Variants in CTNNA3 observed in about 807,000 individuals in gnomAD.
CTNNA3 encodes the protein catenin alpha-3.
CTNNA3 carries 76 observed loss-of-function variants against 95.7 expected under a neutral mutation model. That is an observed-to-expected ratio of 0.79 (90% confidence interval 0.66 to 0.96). The LOEUF (loss-of-function observed/expected upper bound fraction) is 0.96. CTNNA3 is among the 40% of genes least tolerant of loss of function. The pLI, the probability that CTNNA3 is intolerant of heterozygous loss-of-function variation, is 0.00. For synonymous variants in CTNNA3, 431 were observed against 374.4 expected (o/e 1.15, Z -1.74); for missense variants, 1,191 against 1,089.8 (o/e 1.09, Z -1.31).
rs1239794704 is a variant in CTNNA3 at position 67,566,041 on chromosome 10, GTGTATATATA to G, written c.293-26382_293-26373del. Among the ~76,000 whole-genome samples, 12 of 29,436 alleles carry G rather than the reference GTGTATATATA, an allele frequency of 4.1e-4. 2 individuals carry two copies. The highest frequency in any genetic ancestry group is 5.0e-3 in the East Asian group (2 of 404). The allele number at this position is 29,436 out of a possible 152,430, so 19.3% of individuals were successfully genotyped here. A position where few individuals can be genotyped will look rare whatever the true frequency, so the allele number is the denominator to read the frequency against. On this transcript the variant is annotated intron_variant, in intron 3 of 17. Coordinates refer to ENST00000433211, the MANE Select transcript of CTNNA3 (RefSeq NM_013266.4). ...AACACACACACACACATATGTGTGT[GTGTATATATA>G]TATATATATATATATATATATACAA...
At chr10:67,709,412 G>C (rs1841094866) in intron 1 of CTNNA3, among the ~76,000 whole-genome samples, 1 of 152,092 alleles carries the variant, frequency 6.6e-6, no homozygotes, top group Non-Finnish European at 1.5e-5. Context: ...ATGGGATGTG[G>C]GGACAATTCA....
At chr10:66,240,030 C>T (rs1331781137) in intron 13 of CTNNA3, among the ~76,000 whole-genome samples, 1 of 151,840 alleles carries the variant, frequency 6.6e-6, no homozygotes, top group Non-Finnish European at 1.5e-5. Flanking sequence ...TAATCTATAT[C>T]TATAGTTATA....
chr10:67,556,230 C>T (rs1841246059), intron 3 of CTNNA3, among the ~76,000 whole-genome samples: 1 of 152,144 alleles, frequency 6.6e-6, no homozygotes, highest in Non-Finnish European at 1.5e-5. Context: ...TTTGTTGTGT[C>T]TCTGCCAGGC....
chr10:67,323,158 T>G (rs1841394731), intron 5 of CTNNA3, among the ~76,000 whole-genome samples: 1 of 152,178 alleles, frequency 6.6e-6, no homozygotes, highest in East Asian at 1.9e-4. Context: ...TGCCTCCCAT[T>G]CTTTAGGTTG....
chr10:65,993,993 C>T (rs575753550), intron 15 of CTNNA3, among the ~76,000 whole-genome samples: 9 of 152,168 alleles, frequency 5.9e-5, no homozygotes, highest in Non-Finnish European at 8.8e-5. Context: ...CTCAGCCTCC[C>T]AAAGTGCTGA....
At chr10:67,684,932 G>A (rs1249850682) in intron 1 of CTNNA3, among the ~76,000 whole-genome samples, 2 of 152,162 alleles carry the variant, frequency 1.3e-5, no homozygotes, top group Admixed American at 6.5e-5. Flanking sequence ...TCCTGTAAAC[G>A]CTGGGCGGCA....
Position 67,214,190 on chromosome 10 carries a change from CCA to C in CTNNA3, c.843+5415_843+5416del, listed in dbSNP as rs1281962092. 2.6e-5 allele frequency among the ~76,000 whole-genome samples: 4 copies of C among 151,556 alleles called. No homozygotes were observed. The East Asian group carries it at 7.7e-4, about 29-fold the overall frequency. Reference sequence around the variant, plus strand: ...CTACTGTGTGTACATCCTTCTTTTTCCACAGTGTTTTTTCCTCCATTTTTTTC... The same window carrying C: ...CTACTGTGTGTACATCCTTCTTTTTCCAGTGTTTTTTCCTCCATTTTTTTC... On this transcript the variant is annotated intron_variant, in intron 6 of 17. Coordinates refer to ENST00000433211, the MANE Select transcript of CTNNA3 (RefSeq NM_013266.4).
chr10:67,703,053 A>C (rs1162712582), intron 1 of CTNNA3, among the ~76,000 whole-genome samples: 1 of 152,232 alleles, frequency 6.6e-6, no homozygotes, highest in Non-Finnish European at 1.5e-5. Context: ...CTTGACATAT[A>C]CACCCTCCCA....
intron 15 of CTNNA3, among the ~76,000 whole-genome samples, chr10:66,048,554 A>G (rs1170521299): frequency 6.6e-6 from 1 of 152,092 alleles, no homozygotes; most frequent in Non-Finnish European, 1.5e-5. Flanking sequence ...AGGTCAGGAG[A>G]TCAAGACCAT....
chr10:66,977,310 C>T (rs1850101298), intron 7 of CTNNA3, among the ~76,000 whole-genome samples: 1 of 151,994 alleles, frequency 6.6e-6, no homozygotes. Context: ...GTGGCTGGTA[C>T]CTGTAGTCCC....
intron 7 of CTNNA3, among the ~76,000 whole-genome samples, chr10:67,061,339 T>C (rs1485283387): frequency 6.6e-6 from 1 of 152,204 alleles, no homozygotes; most frequent in Non-Finnish European, 1.5e-5. Context: ...GTGAACTACA[T>C]GATGACAGCA....
At position 67,470,803 on chromosome 10, in the gene CTNNA3, C is replaced by T. The variant is rs550882691; in HGVS notation, c.579+51039G>A. Among the ~76,000 whole-genome samples, 3 of 152,100 alleles carry T rather than the reference C, an allele frequency of 2.0e-5. No homozygotes were observed. The East Asian group carries it at 5.8e-4, about 29-fold the overall frequency. On this transcript the variant is annotated intron_variant, in intron 5 of 17. Transcript: ENST00000433211. Reference sequence around the variant, plus strand: ...TTTTGTCTTTTTCTTTTCTTTGACACAGAGTCTTGCTCTGTTGCCCAGGCT... The same window carrying T: ...TTTTGTCTTTTTCTTTTCTTTGACATAGAGTCTTGCTCTGTTGCCCAGGCT...
intron 7 of CTNNA3, among the ~76,000 whole-genome samples, chr10:66,942,264 A>C (rs934888070): frequency 6.6e-6 from 1 of 152,210 alleles, no homozygotes; most frequent in South Asian, 2.1e-4. Context: ...CCAAGTCTGC[A>C]ATATATAAAA....
intron 15 of CTNNA3, among the ~76,000 whole-genome samples, chr10:66,043,577 C>T (rs565606589): frequency 2.6e-5 from 4 of 152,298 alleles, no homozygotes; most frequent in African/African-American, 7.2e-5. Context: ...TGACCTCTTA[C>T]AGTGTATGAT....
chr10:67,154,993 C>T lies in CTNNA3; in HGVS notation c.1047+25324G>A, dbSNP rs553653239. On this transcript the variant is annotated intron_variant, in intron 7 of 17. Coordinates refer to ENST00000433211, the MANE Select transcript of CTNNA3 (RefSeq NM_013266.4). ...TAACATAGAGAGGTTTTCTACATCA[C>T]CTCTTTCCCTTTAAATTCAAATTGT... Among the ~76,000 whole-genome samples, 5 of 152,198 alleles carry T rather than the reference C, an allele frequency of 3.3e-5. No individual in the cohort carries two copies. The East Asian group carries it at 5.8e-4, about 18-fold the overall frequency.
At chr10:67,442,698 C>T (rs1279315223) in intron 5 of CTNNA3, among the ~76,000 whole-genome samples, 4 of 151,792 alleles carry the variant, frequency 2.6e-5, no homozygotes, top group Non-Finnish European at 5.9e-5. Context: ...ATATATGCAC[C>T]CAATGATAGA....
At chr10:67,134,621 C>G (rs1238425330) in intron 7 of CTNNA3, among the ~76,000 whole-genome samples, 1 of 152,040 alleles carries the variant, frequency 6.6e-6, no homozygotes, top group Non-Finnish European at 1.5e-5. Flanking sequence ...AAATCTGCAT[C>G]CATTCAGTTT....
In CTNNA3 at chr10:66,358,907, T is replaced by C. The variant is rs150650948; in HGVS notation, c.1732+20245A>G. Reference sequence around the variant, plus strand: ...TATAAAACTTACAGTTGTATTATGCTCTAATCTATTCCTTTTTGCCCCTAT... The same window carrying C: ...TATAAAACTTACAGTTGTATTATGCCCTAATCTATTCCTTTTTGCCCCTAT... On this transcript the variant is annotated intron_variant, in intron 12 of 17. Coordinates refer to ENST00000433211, the MANE Select transcript of CTNNA3 (RefSeq NM_013266.4). Among the ~76,000 whole-genome samples, 72 of 152,332 alleles carry C rather than the reference T, an allele frequency of 4.7e-4. 1 individual carries two copies. Among genetic ancestry groups the C allele is most frequent in the African/African-American group, 1.6e-3 (67 of 41,578 alleles).
chr10:66,604,374 C>T (rs1844040542), intron 10 of CTNNA3, among the ~76,000 whole-genome samples: 1 of 152,150 alleles, frequency 6.6e-6, no homozygotes, highest in Admixed American at 6.5e-5. Context: ...ATGCTGCCTC[C>T]ACCGCTGTGG....
Sources: gnomAD v4.1 joint callset for allele counts (sites outside exome capture counted in the v4.1 genomes callset) on GRCh38, gnomAD v4.1.1 for gene constraint, MANE v1.5 for transcripts, NCBI Gene and HGNC (gene_info 2026-07-23, HGNC 2026-07-21) for gene names.